Variants in POLA2 observed in about 807,000 individuals in gnomAD.
POLA2 encodes the protein DNA polymerase alpha subunit B.
POLA2 carries 47 observed loss-of-function variants against 82.8 expected under a neutral mutation model. The ratio of observed to expected loss-of-function variants is 0.57; its 90% confidence interval spans 0.45 to 0.72. The LOEUF is 0.72. Ranked by LOEUF, POLA2 falls within the 30% of genes least tolerant of loss-of-function variation. The pLI is 0.00. For missense variants in POLA2, 634 were observed against 728.1 expected, an observed-to-expected ratio of 0.87 and a Z score of 1.49; for synonymous variants, 287 against 286.8, an observed-to-expected ratio of 1.00 and a Z score of -0.01.
At chr11:65,300,683 A>G (rs1949854842), downstream of POLA2, among the ~76,000 whole-genome samples, 1 of 152,018 alleles carries the variant, frequency 6.6e-6, no homozygotes, top group South Asian at 2.1e-4. Flanking sequence ...TCCGGGTTCA[A>G]ACGATTCTCC....
In POLA2 at chr11:65,281,661, G is replaced by A. The variant is rs764497235; in HGVS notation, c.901-9G>A. 2 of 1,609,370 alleles carry A rather than the reference G, an allele frequency of 1.2e-6. No homozygotes were observed. Among genetic ancestry groups the A allele is most frequent in the Admixed American group, 3.3e-5 (2 of 59,982 alleles). ...CTGCTTAGCAATCCTGTTTGTTTTT[G>A]TCTTTCAGGTTGTAATTATGGAAGG... On this transcript the variant is annotated splice_polypyrimidine_tract_variant and intron_variant, in intron 8 of 17. Transcript: ENST00000265465.
chr11:65,264,199 C>G (rs1590888395), intron 1 of POLA2, among the ~76,000 whole-genome samples: 2 of 152,274 alleles, frequency 1.3e-5, no homozygotes, highest in Non-Finnish European at 2.9e-5. Flanking sequence ...TCCCGAGTAG[C>G]TGGGATTACA....
chr11:65,297,154 G>T lies in POLA2; in HGVS notation c.1682G>T (p.Arg561Leu). The change falls in exon 18 of 18, where the codon CGC (arginine) becomes CTC (leucine). Residue 561 changes from arginine to leucine, a missense_variant. Transcript: ENST00000265465. The part of the protein sequence containing the change: ...VLGCVCVNPG[R>L]LTKGQVGGTF... ...GGCTGTGTCTGTGTGAACCCTGGGC[G>T]CCTTACCAAAGGGCAGGTGGGAGGC... 1.2e-6 allele frequency: 2 copies of T among 1,614,052 alleles called. No homozygotes were observed. The highest frequency in any genetic ancestry group is 1.7e-6 in the Non-Finnish European group (2 of 1,180,018).
chr11:65,287,303 C>T (rs894975837), intron 10 of POLA2, among the ~76,000 whole-genome samples: 1 of 152,184 alleles, frequency 6.6e-6, no homozygotes, highest in Admixed American at 6.6e-5. Context: ...CCCACATTCT[C>T]CAGCCACACT....
chr11:65,265,426 C>T (rs549015190), intron 1 of POLA2, among the ~76,000 whole-genome samples: 115 of 152,254 alleles, frequency 7.6e-4, no homozygotes, highest in African/African-American at 2.7e-3. Flanking sequence ...CACTGTTTGT[C>T]ATTTTTTCTT....
rs187158521 is a variant in POLA2 at position 65,278,758 on chromosome 11, C to T, written c.490C>T (p.Arg164Ter). The change falls in exon 6 of 18, where the codon CGA becomes TGA. Residue 164 changes from arginine to a stop codon, truncating the protein, a stop_gained. Transcript: ENST00000265465. LOFTEE classifies it high-confidence loss of function. ...TACTCCCTCCCAGAAATACAACTCA[C>T]GAAGTAACCGAGGAGAAGTGGTTAC... ...SATPSQKYNS[R>*]SNRGEVVTSF... 39 of 1,613,582 alleles carry T rather than the reference C, an allele frequency of 2.4e-5. No individual in the cohort carries two copies. The Admixed American group carries it at 5.2e-4, about 21-fold the overall frequency.
At chr11:65,290,707 A>C (rs1406754975) in intron 13 of POLA2, among the ~76,000 whole-genome samples, 1 of 152,206 alleles carries the variant, frequency 6.6e-6, no homozygotes, top group Non-Finnish European at 1.5e-5. Context: ...TTTCTCTTCT[A>C]TACTTAGTTC....
chr11:65,281,531 C>G, intron 8 of POLA2, 139 bp from the exon 9 acceptor site: 1 of 662,980 alleles, frequency 1.5e-6, no homozygotes, highest in Admixed American at 2.5e-5. Context: ...GCCCTTAATT[C>G]GTTTTCTACA....
downstream of POLA2, among the ~76,000 whole-genome samples, chr11:65,300,857 C>T (rs1050907837): frequency 2.0e-4 from 30 of 152,284 alleles, no homozygotes; most frequent in Non-Finnish European, 4.4e-4. Context: ...GTTGGGATTA[C>T]AGGCGTAAGC....
At chr11:65,303,411 A>G (rs1949869125), downstream of POLA2, among the ~76,000 whole-genome samples, 2 of 151,718 alleles carry the variant, frequency 1.3e-5, no homozygotes, top group Non-Finnish European at 2.9e-5. Flanking sequence ...AATCCCAGCA[A>G]TTTGGGAGGC....
chr11:65,279,527 TGGG>T lies in POLA2; in HGVS notation c.656-10_656-8del, dbSNP rs1281589871. 1 of 1,579,628 alleles carries T rather than the reference TGGG, an allele frequency of 6.3e-7. No homozygotes were observed. Among genetic ancestry groups the T allele is most frequent in the Admixed American group, 1.8e-5 (1 of 56,802 alleles). ...TAAACATAATACTTTTTTCCACTTC[TGGG>T]ATTGTAGTTCTGACCTGTAAGATAG... On this transcript the variant is annotated splice_region_variant and splice_polypyrimidine_tract_variant and intron_variant, in intron 6 of 17. Transcript: ENST00000265465.
At chr11:65,269,265 G>A (rs1008633576) in intron 4 of POLA2, among the ~76,000 whole-genome samples, 5 of 152,118 alleles carry the variant, frequency 3.3e-5, no homozygotes, top group East Asian at 1.9e-4. Context: ...GGCGGATCAC[G>A]AGGTCAGGAG....
rs1949605684 is a variant in POLA2 at position 65,278,607 on chromosome 11, AT to A, written c.462-120del. ...TGTCCAACCCCATTAAACTGATTCAATTTATAAACTATGAGGCCACCTTCCT... is the reference window on the plus strand; with the variant it reads ...TGTCCAACCCCATTAAACTGATTCAATTATAAACTATGAGGCCACCTTCCT... On this transcript the variant is annotated intron_variant, in intron 5 of 17. Coordinates refer to ENST00000265465, the MANE Select transcript of POLA2 (RefSeq NM_002689.4). 5 of 799,862 alleles carry A rather than the reference AT, an allele frequency of 6.3e-6. No homozygotes were observed. In the South Asian group the frequency reaches 8.6e-5, roughly 14 times the overall value. The allele number at this position is 799,862 out of a possible 1,614,324, so 49.5% of individuals were successfully genotyped here.
chr11:65,286,111 T>A (rs909635910), intron 10 of POLA2, among the ~76,000 whole-genome samples: 1 of 152,166 alleles, frequency 6.6e-6, no homozygotes, highest in Non-Finnish European at 1.5e-5. Context: ...CAAGGGTCCT[T>A]ATAAGAGGAA....
chr11:65,271,241 T>C (rs939723720), intron 4 of POLA2, among the ~76,000 whole-genome samples: 16 of 152,320 alleles, frequency 1.1e-4, no homozygotes, highest in Non-Finnish European at 2.2e-4. Flanking sequence ...CACCCTGGCA[T>C]GTTAATAGTT....
downstream of POLA2, among the ~76,000 whole-genome samples, chr11:65,303,199 G>A (rs561076947): frequency 2.8e-3 from 420 of 152,140 alleles, 4 homozygotes; most frequent in African/African-American, 9.3e-3. Context: ...AAAATTGGCC[G>A]GGCATGGTGG....
intron 9 of POLA2, 24 bp from the exon 10 acceptor site, chr11:65,282,455 C>T: frequency 6.2e-7 from 1 of 1,611,732 alleles, no homozygotes. Context: ...CAAGACCTTA[C>T]TTGAGCTTTT....
chr11:65,274,223 A>G (rs566941035), intron 4 of POLA2, among the ~76,000 whole-genome samples: 75 of 151,954 alleles, frequency 4.9e-4, no homozygotes, highest in African/African-American at 1.7e-3. Context: ...GTGGTGGTGC[A>G]TGCCTGTAGT....
At chr11:65,262,449 T>TG in intron 1 of POLA2, 78 bp downstream of exon 1, 1 of 1,216,152 alleles carries the variant, frequency 8.2e-7, no homozygotes, top group Non-Finnish European at 1.2e-6. Context: ...GAACCGAAAG[T>TG]GGAGCGCTTC....
Sources: allele counts gnomAD v4.1 joint callset (sites outside exome capture counted in the v4.1 genomes callset), GRCh38; gene constraint gnomAD v4.1.1; transcripts MANE v1.5; gene names NCBI Gene and HGNC (gene_info 2026-07-23, HGNC 2026-07-21).